The following MMS19 variants were observed in gnomAD, a reference collection of about 807,000 sequenced individuals.
MMS19 encodes MMS19 cytosolic iron-sulfur assembly component.
In MMS19, 77 loss-of-function variants were observed where a neutral mutation model predicts 129.8. The ratio of observed to expected loss-of-function variants is 0.59; its 90% confidence interval spans 0.49 to 0.72. The LOEUF (loss-of-function observed/expected upper bound fraction) is 0.72. Ranked by LOEUF, MMS19 falls within the 30% of genes least tolerant of loss-of-function variation. The pLI is 0.00. For missense variants in MMS19, 1,168 were observed against 1,266.3 expected (o/e 0.92, Z 1.18); for synonymous variants, 491 against 502.8 (o/e 0.98, Z 0.31).
At chr10:97,471,185 T>A (rs1047617474) in intron 8 of MMS19, among the ~76,000 whole-genome samples, 10 of 152,278 alleles carry the variant, frequency 6.6e-5, no homozygotes, top group South Asian at 2.1e-4. Flanking sequence ...CCATATAAAA[T>A]ATATATATAC....
chr10:97,472,752 G>A (rs1459298866), intron 8 of MMS19, among the ~76,000 whole-genome samples: 1 of 152,082 alleles, frequency 6.6e-6, no homozygotes, highest in Non-Finnish European at 1.5e-5. Flanking sequence ...AGGGGCTACA[G>A]ACTCGACCAC....
chr10:97,484,282 C>A, intron 1 of MMS19, 131 bp from the exon 2 acceptor site: 1 of 549,932 alleles, frequency 1.8e-6, no homozygotes, highest in South Asian at 3.0e-5. Flanking sequence ...TTGCCAAGAG[C>A]CCTCCTAGAT....
intron 19 of MMS19, among the ~76,000 whole-genome samples, chr10:97,463,220 C>T (rs2032548401): frequency 6.8e-6 from 1 of 147,650 alleles, no homozygotes. Flanking sequence ...CACCCAGGCT[C>T]GAGTGCAGAG....
Position 97,463,841 on chromosome 10 carries a change from G to T in MMS19, c.1912+17C>A, listed in dbSNP as rs1189615513. 2 of 1,605,294 alleles carry T rather than the reference G, an allele frequency of 1.2e-6. No homozygotes were observed. The highest frequency in any genetic ancestry group is 2.2e-5 in the East Asian group (1 of 44,592). ...GGCAAAGTTCCCAAAGGCCAGGAAG[G>T]AGAGGTGGAAAGTTACCTGGCATAG... is the stretch of plus-strand genomic sequence containing the variant. On this transcript the variant is annotated intron_variant, in intron 19 of 30. Transcript: ENST00000438925.
chr10:97,468,403 C>A lies in MMS19; in HGVS notation c.1067G>T (p.Cys356Phe). 6.2e-7 allele frequency: 1 copy of A among 1,604,438 alleles called. No individual in the cohort carries two copies. The highest frequency in any genetic ancestry group is 8.5e-7 in the Non-Finnish European group (1 of 1,173,932). The change falls in exon 13 of 31, where the codon TGC (cysteine) becomes TTC (phenylalanine). Residue 356 changes from cysteine to phenylalanine, a missense_variant. Transcript: ENST00000438925. The stretch of plus-strand genomic sequence containing the variant: ...GTCCGGTTCACACAGGTGGTGCCTG[C>A]AGTCTAGAGAAGCAGCACATCACAG... Reference protein sequence around the residue: ...DSFLSNILQDCRHHLCEPDMK... With the variant: ...DSFLSNILQDFRHHLCEPDMK...
rs1431158334 is a variant in MMS19, at chr10:97,459,344, T to C, written c.2904+18A>G. The C allele has an allele frequency of 1.2e-6, 2 of 1,609,624 alleles. No homozygotes were observed. Among genetic ancestry groups the C allele is most frequent in the African/African-American group, 2.7e-5 (2 of 74,934 alleles). On this transcript the variant is annotated intron_variant, in intron 28 of 30. Transcript: ENST00000438925. ...GGGAGAGATGCTGGTGCCTAAGAGT[T>C]GCTGGGGCTCAACGCACCATGGAAG...
intron 23 of MMS19, 113 bp downstream of exon 23, chr10:97,461,383 A>G (rs917455185): frequency 3.9e-6 from 5 of 1,292,734 alleles, no homozygotes; most frequent in Non-Finnish European, 3.2e-6. Flanking sequence ...GAGCAGTTGA[A>G]GCCCTGTTAA....
In MMS19 at chr10:97,467,702, C is replaced by T. The variant is rs2033801598; in HGVS notation, c.1219-119G>A. On this transcript the variant is annotated intron_variant, in intron 13 of 30. Transcript: ENST00000438925. ...AAGAGATGGGGGTTTTGCTATGCCACAGCCAGGCTGGAATACAGTAGCATG... is the reference window on the plus strand; with the variant it reads ...AAGAGATGGGGGTTTTGCTATGCCATAGCCAGGCTGGAATACAGTAGCATG... 1.1e-5 allele frequency: 10 copies of T among 896,330 alleles called. No individual in the cohort carries two copies. The South Asian group carries it at 1.6e-4, about 14-fold the overall frequency. 55.5% of individuals were successfully genotyped at this position (896,330 alleles called of 1,614,324 possible). A position where few individuals can be genotyped will look rare whatever the true frequency, so the allele number is the denominator to read the frequency against.
chr10:97,462,161 T>G (rs1408961313), intron 20 of MMS19, 42 bp from the exon 21 acceptor site: 1 of 1,426,660 alleles, frequency 7.0e-7, no homozygotes, highest in African/African-American at 1.4e-5. Flanking sequence ...GCTAGGATTC[T>G]AAAGCAGCCC....
intron 23 of MMS19, chr10:97,461,225 A>C: frequency 1.6e-6 from 1 of 606,450 alleles, no homozygotes; most frequent in South Asian, 2.1e-5. Context: ...ATCTACTTCC[A>C]ATAAAGAATT....
intron 3 of MMS19, among the ~76,000 whole-genome samples, chr10:97,480,582 C>T (rs2036604468): frequency 6.6e-6 from 1 of 152,016 alleles, no homozygotes; most frequent in African/African-American, 2.4e-5. Context: ...ATTTGAAATC[C>T]ATGTGTCTTT....
chr10:97,478,106 T>C (rs2036101942), intron 4 of MMS19, among the ~76,000 whole-genome samples, 177 bp from the exon 5 acceptor site: 1 of 152,240 alleles, frequency 6.6e-6, no homozygotes. Flanking sequence ...TCTTTCCAGA[T>C]GGCTCTGGTT....
At chr10:97,461,766 T>G in intron 22 of MMS19, 62 bp downstream of exon 22, 7 of 1,565,618 alleles carry the variant, frequency 4.5e-6, no homozygotes, top group Non-Finnish European at 6.1e-6. Context: ...CTGTGGCAAA[T>G]TTCAGCCCGG....
chr10:97,463,894 A>G lies in MMS19; in HGVS notation c.1876T>C (p.Cys626Arg), dbSNP rs1471267548. 1 of 1,612,378 alleles carries G rather than the reference A, an allele frequency of 6.2e-7. No individual in the cohort carries two copies. Among genetic ancestry groups the G allele is most frequent in the African/African-American group, 1.3e-5 (1 of 74,922 alleles). ...GCCTGCACAGCCAAGGCAAGCAGGC[A>G]AGGTATAGCTGTCTGGTGGAAATAC... ...CWYFHQTAIP[C>R]LLALAVQASM... is the part of the protein sequence containing the mutation. The change falls in exon 19 of 31, where the codon TGC becomes CGC. Residue 626 changes from cysteine to arginine, a missense_variant. Coordinates refer to ENST00000438925, the MANE Select transcript of MMS19 (RefSeq NM_022362.5).
Position 97,477,960 on chromosome 10 carries a change from G to A in MMS19, c.349-31C>T, listed in dbSNP as rs372685276. The A allele has an allele frequency of 2.3e-5, 34 of 1,479,494 alleles. No homozygotes were observed. In the East Asian group the frequency reaches 4.2e-4, roughly 18 times the overall value. The allele number at this position is 1,479,494 out of a possible 1,614,324, so 91.6% of individuals were successfully genotyped here. A position where few individuals can be genotyped will look rare whatever the true frequency, so the allele number is the denominator to read the frequency against. On this transcript the variant is annotated intron_variant, in intron 4 of 30. Coordinates refer to ENST00000438925, the MANE Select transcript of MMS19 (RefSeq NM_022362.5). The stretch of plus-strand genomic sequence containing the variant: ...GGAGAGGAGAAGGTACGTGAATACC[G>A]AAGGAATTGCAGCATGGCCTCCAAG...
At chr10:97,485,448 G>C (rs1008825769) in intron 1 of MMS19, among the ~76,000 whole-genome samples, 1 of 151,690 alleles carries the variant, frequency 6.6e-6, no homozygotes, top group African/African-American at 2.4e-5. Flanking sequence ...AAGTAGCTGG[G>C]ATTACAGGTG....
intron 1 of MMS19, among the ~76,000 whole-genome samples, chr10:97,494,768 GT>G (rs764511047): frequency 2.6e-5 from 4 of 152,134 alleles, no homozygotes; most frequent in Non-Finnish European, 4.4e-5. Flanking sequence ...TCATCCTCTG[GT>G]TCAAAACCTT....
At position 97,464,003 on chromosome 10, in the gene MMS19, A is replaced by T. The variant is rs745677193; in HGVS notation, c.1767T>A (p.Val589=). 1 of 1,612,870 alleles carries T rather than the reference A, an allele frequency of 6.2e-7. No homozygotes were observed. Among genetic ancestry groups the T allele is most frequent in the South Asian group, 1.1e-5 (1 of 90,780 alleles). The part of the protein sequence containing the change: ...HLWQVNRGNM[V]AQSSDVIAVC... The stretch of plus-strand genomic sequence containing the variant: ...CAGCAATAACGTCACTGGATTGTGC[A>T]ACCATATTCCCTGTTGATGAGAAAG... The change falls in exon 19 of 31, where the codon GTT becomes GTA. Residue 589 remains valine (V), a synonymous_variant. Coordinates refer to ENST00000438925, the MANE Select transcript of MMS19 (RefSeq NM_022362.5).
intron 27 of MMS19, 49 bp downstream of exon 27, chr10:97,459,610 G>A: frequency 6.3e-7 from 1 of 1,599,710 alleles, no homozygotes; most frequent in Non-Finnish European, 8.5e-7. Flanking sequence ...CCCCATCTGG[G>A]GAAGAATAGC....
Sources: allele counts gnomAD v4.1 joint callset (sites outside exome capture counted in the v4.1 genomes callset), GRCh38; gene constraint gnomAD v4.1.1; transcripts MANE v1.5; gene names NCBI Gene and HGNC (gene_info 2026-07-23, HGNC 2026-07-21).